Variants in PCM1 observed in about 807,000 individuals in gnomAD.
PCM1 encodes pericentriolar material 1.
In PCM1, 157 loss-of-function variants were observed where a neutral mutation model predicts 241.9. The ratio of observed to expected loss-of-function variants is 0.65; its 90% CI spans 0.57 to 0.74. PCM1 has a LOEUF of 0.74. Among genes scored for constraint, PCM1 ranks in the 30% least tolerant of loss-of-function variants. The pLI is 0.00. For missense variants in PCM1, 3,478 were observed against 2,360.1 expected (o/e 1.47, Z -9.81); for synonymous variants, 1,085 against 784.9 (o/e 1.38, Z -6.39).
intron 29 of PCM1, among the ~76,000 whole-genome samples, chr8:17,996,138 G>A (rs1380613172): frequency 6.6e-6 from 1 of 152,036 alleles, no homozygotes; most frequent in African/African-American, 2.4e-5. Context: ...GGCTTTCAGT[G>A]TTTCCCCATT....
At chr8:18,026,496 T>C (rs961262005) in intron 38 of PCM1, among the ~76,000 whole-genome samples, 22 of 151,720 alleles carry the variant, frequency 1.5e-4, no homozygotes, top group Non-Finnish European at 4.4e-5. Context: ...CCTGACCTCG[T>C]GATCCGCCTG....
intron 2 of PCM1, chr8:17,927,877 A>G (rs1201818337): frequency 6.6e-6 from 1 of 151,728 alleles, no homozygotes; most frequent in Admixed American, 6.6e-5. Flanking sequence ...AAAAAAAAAA[A>G]AAAAAAGTCA....
intron 13 of PCM1, among the ~76,000 whole-genome samples, chr8:17,959,277 TAAG>T (rs914157489): frequency 1.7e-4 from 26 of 151,758 alleles, no homozygotes; most frequent in African/African-American, 5.6e-4. Flanking sequence ...TATAAGTAAT[TAAG>T]AAACACAAAT....
rs1037466711 is a variant in PCM1, at chr8:18,029,528, T to A, written c.*1866T>A. 7 of 212,236 alleles carry A rather than the reference T, an allele frequency of 3.3e-5. No individual in the cohort carries two copies. Among genetic ancestry groups the A allele is most frequent in the Non-Finnish European group, 6.7e-5 (7 of 104,646 alleles). 13.1% of individuals were successfully genotyped at this position (212,236 alleles called of 1,614,324 possible). A position where few individuals can be genotyped will look rare whatever the true frequency, so the allele number is the denominator to read the frequency against. ...TGCATGCATATTAAAGTGGAAAAAT[T>A]GTATTTATATCTTAGTTATTACCAT... On this transcript the variant is annotated 3_prime_UTR_variant, in exon 39 of 39. Transcript: ENST00000325083.
At chr8:18,013,701 C>G (rs978209397) in intron 34 of PCM1, 4 of 319,908 alleles carry the variant, frequency 1.3e-5, no homozygotes, top group Non-Finnish European at 2.2e-5. Context: ...CTTTTAGAGT[C>G]TGAAAAAAAA....
At chr8:17,957,881 A>G in intron 13 of PCM1, 106 bp downstream of exon 13, 2 of 726,422 alleles carry the variant, frequency 2.8e-6, no homozygotes, top group Non-Finnish European at 4.5e-6. Flanking sequence ...ATACACATTT[A>G]TGTATCATAT....
rs762779748 is a variant in PCM1 at position 17,962,067 on chromosome 8, A to G, written c.2356A>G (p.Lys786Glu). The G allele has an allele frequency of 5.6e-6, 9 of 1,609,084 alleles. No homozygotes were observed. Among genetic ancestry groups the G allele is most frequent in the Non-Finnish European group, 7.6e-6 (9 of 1,176,802 alleles). Residue 786 changes from lysine (K) to glutamate (E), a missense_variant, in exon 16 of 39, where the codon AAA becomes GAA. Coordinates refer to ENST00000325083, the MANE Select transcript of PCM1 (RefSeq NM_006197.4). ...TGCTAGTGTGGGTAACTGTCCCACC[A>G]AAAAATATATGCCAGCTGTTACTTC... ...SAASVGNCPTKKYMPAVTSTP... is the reference protein window; with the variant it reads ...SAASVGNCPTEKYMPAVTSTP...
Position 17,955,559 on chromosome 8 carries a change from A to G in PCM1, c.1378A>G (p.Ser460Gly), listed in dbSNP as rs112044122. Reference protein sequence around the residue: ...LAPVVNGESNSLTSSVPYPTA... With the variant: ...LAPVVNGESNGLTSSVPYPTA... ...ACCGGTTGTCAATGGAGAATCCAATAGCCTCACATCATCTGTTCCTTATCC... is the reference window on the plus strand; with the variant it reads ...ACCGGTTGTCAATGGAGAATCCAATGGCCTCACATCATCTGTTCCTTATCC... Residue 460 changes from serine (S) to glycine (G), a missense_variant, in exon 10 of 39, where the codon AGC (serine) becomes GGC (glycine). Ser to Gly is a moderately conservative substitution (Grantham distance 56). Transcript: ENST00000325083. The G allele has an allele frequency of 2.2e-5, 36 of 1,613,630 alleles. No homozygotes were observed. In the African/African-American group the frequency reaches 2.4e-4, roughly 11 times the overall value.
At chr8:17,941,431 G>A (rs1477719513) in intron 6 of PCM1, among the ~76,000 whole-genome samples, 1 of 151,990 alleles carries the variant, frequency 6.6e-6, no homozygotes, top group Non-Finnish European at 1.5e-5. Context: ...GCAGGATGTG[G>A]TACTTGCTTA....
intron 29 of PCM1, among the ~76,000 whole-genome samples, chr8:17,994,916 T>C (rs1163332631): frequency 6.6e-6 from 1 of 151,582 alleles, no homozygotes; most frequent in African/African-American, 2.4e-5. Flanking sequence ...ACTCTTTATA[T>C]ATGCTGGTTA....
chr8:18,013,780 ACCCTTTAACTTAGCCAT>A, intron 34 of PCM1, 167 bp from the exon 35 acceptor site: 1 of 536,726 alleles, frequency 1.9e-6, no homozygotes, highest in African/African-American at 2.0e-5. Context: ...CAACAAGGAA[ACCCTTTAACTTAGCCAT>A]CTTGAAATCA....
rs553181271 is a variant in PCM1, at chr8:17,956,979, C to A, written c.1646+202C>A. On this transcript the variant is annotated intron_variant, in intron 11 of 38. Transcript: ENST00000325083. The stretch of plus-strand genomic sequence containing the variant: ...GAGTACAATAGTTCAGTAAATTTGC[C>A]CTTTGTTAGACTGAATTCGAGTAAA... Among the ~76,000 whole-genome samples the A allele has an allele frequency of 1.2e-4, 18 of 152,146 alleles. No homozygotes were observed. The South Asian group carries it at 2.9e-3, about 25-fold the overall frequency.
chr8:17,953,104 G>A lies in PCM1; in HGVS notation c.1206G>A (p.Val402=), dbSNP rs1193217980. The A allele has an allele frequency of 6.2e-7, 1 of 1,600,080 alleles. No homozygotes were observed. Among genetic ancestry groups the A allele is most frequent in the Admixed American group, 1.7e-5 (1 of 57,952 alleles). The change falls in exon 9 of 39, where the codon GTG becomes GTA. Residue 402 remains valine, a synonymous_variant. Transcript: ENST00000325083. ...EKVELFSKMR[V]LQEKKQKMDK... is the part of the protein sequence containing the mutation. ...TCGAACTTTTTAGCAAAATGAGAGTGCTACAGGAAAAGAAACAAAAAATGG... is the reference window on the plus strand; with the variant it reads ...TCGAACTTTTTAGCAAAATGAGAGTACTACAGGAAAAGAAACAAAAAATGG...
chr8:17,959,610 G>T (rs1563932849), intron 13 of PCM1, among the ~76,000 whole-genome samples: 1 of 124,550 alleles, frequency 8.0e-6, no homozygotes, highest in African/African-American at 3.1e-5. Flanking sequence ...ATTTCCGTAT[G>T]TATTTATATT....
chr8:17,951,635 C>T (rs1037617427), intron 8 of PCM1, among the ~76,000 whole-genome samples: 2 of 151,964 alleles, frequency 1.3e-5, no homozygotes, highest in African/African-American at 4.8e-5. Flanking sequence ...TCCCACTTAC[C>T]TTATTTTAAA....
At chr8:17,952,152 G>T (rs962097109) in intron 8 of PCM1, among the ~76,000 whole-genome samples, 8 of 151,964 alleles carry the variant, frequency 5.3e-5, no homozygotes, top group African/African-American at 1.9e-4. Flanking sequence ...GAACCCAGGA[G>T]GCGGAGGTTT....
chr8:17,969,067 C>A (rs1404316248), intron 21 of PCM1, among the ~76,000 whole-genome samples: 2 of 149,932 alleles, frequency 1.3e-5, no homozygotes, highest in African/African-American at 4.9e-5. Context: ...AGCTCTGATA[C>A]ATAACAGTAT....
At chr8:17,987,740 G>A (rs1251127831) in intron 26 of PCM1, among the ~76,000 whole-genome samples, 1 of 151,852 alleles carries the variant, frequency 6.6e-6, no homozygotes, top group African/African-American at 2.4e-5. Context: ...CAGATCTGAA[G>A]CAGCAGTGTC....
chr8:18,003,019 G>A (rs2090130402), intron 29 of PCM1, among the ~76,000 whole-genome samples: 1 of 152,148 alleles, frequency 6.6e-6, no homozygotes, highest in African/African-American at 2.4e-5. Flanking sequence ...TGCATGGCTT[G>A]TTTTCTTGAA....
Sources: allele counts gnomAD v4.1 joint callset (sites outside exome capture counted in the v4.1 genomes callset), GRCh38; gene constraint gnomAD v4.1.1; transcripts MANE v1.5; gene names NCBI Gene and HGNC (gene_info 2026-07-23, HGNC 2026-07-21).